FURIN: variants seen among roughly 807,000 people sequenced by gnomAD.
FURIN encodes FES upstream region.
FURIN carries 18 observed loss-of-function variants against 89.2 expected under a neutral mutation model. The ratio of observed to expected loss-of-function variants is 0.20; its 90% CI spans 0.14 to 0.30. The LOEUF (loss-of-function observed/expected upper bound fraction) is 0.30, where lower values mean the gene tolerates loss of function less well. Ranked by LOEUF, FURIN falls within the 10% of genes least tolerant of loss-of-function variation. The pLI is 1.00. For missense variants in FURIN, 879 were observed against 1,100.5 expected (o/e 0.80, Z 2.85); for synonymous variants, 508 against 466.4 (o/e 1.09, Z -1.15).
At position 90,875,759 on chromosome 15, in the gene FURIN, T is replaced by G; in HGVS notation, c.19T>G (p.Leu7Val). ...CCCCCCCATGGAGCTGAGGCCCTGG[T>G]TGCTATGGGTGGTAGCAGCAACAGG... MELRPW[L>V]LWVVAATGTL... The change falls in exon 2 of 16, where the codon TTG becomes GTG. Residue 7 changes from leucine to valine, a missense_variant. Leu to Val is a conservative substitution (Grantham distance 32, BLOSUM62 1). Transcript: ENST00000268171. 6.4e-7 allele frequency: 1 copy of G among 1,550,720 alleles called. No individual in the cohort carries two copies. The highest frequency in any genetic ancestry group is 2.4e-5 in the East Asian group (1 of 41,430).
At chr15:90,879,627 C>G in intron 10 of FURIN, 44 bp from the exon 11 acceptor site, 2 of 1,584,790 alleles carry the variant, frequency 1.3e-6, no homozygotes. Flanking sequence ...GAGAGCTGCT[C>G]CCAAAAAAGA....
rs367710450 is a variant in FURIN at position 90,881,866 on chromosome 15, G to C, written c.2373G>C (p.Gln791His). 21 of 1,611,528 alleles carry C rather than the reference G, an allele frequency of 1.3e-5. No individual in the cohort carries two copies. In the African/African-American group the frequency reaches 2.1e-4, roughly 16 times the overall value. The change falls in exon 16 of 16, where the codon CAG becomes CAC. Residue 791 changes from glutamine to histidine, a missense_variant. By Grantham distance (24) the Gln-to-His change is conservative. Transcript: ENST00000268171. This position sits in a 1 kb window ranked among gnomAD's most constrained non-coding sequence, Gnocchi z 4.3. The stretch of plus-strand genomic sequence containing the variant: ...AGAGGACCGCCTTTATCAAAGACCA[G>C]AGCGCCCTCTGATGAGCCCACTGCC... ...RGERTAFIKD[Q>H]SAL
chr15:90,876,845 C>A lies in FURIN; in HGVS notation c.373-51C>A. On this transcript the variant is annotated intron_variant, in intron 4 of 15. Transcript: ENST00000268171. This position sits in a 1 kb window ranked among gnomAD's most constrained non-coding sequence, Gnocchi z 5.0. ...AAGGGATTCTTCAAGATGCTCCTAG[C>A]CTCACAAAACCAATCATGTCTCATA... 1 of 1,598,864 alleles carries A rather than the reference C, an allele frequency of 6.3e-7. No individual in the cohort carries two copies. The highest frequency in any genetic ancestry group is 8.6e-7 in the Non-Finnish European group (1 of 1,167,612).
rs768572018 is a variant in FURIN, at chr15:90,880,683, C to CT, written c.1557-7dup. On this transcript the variant is annotated splice_region_variant and splice_polypyrimidine_tract_variant and intron_variant, in intron 13 of 15. Transcript: ENST00000268171. ...AGGCCTCAGGGCTGTGTGCACTCCC[C>CT]TCCCCAGGCCACATGACTACTCCGC... 2 of 1,610,084 alleles carry CT rather than the reference C, an allele frequency of 1.2e-6. No individual in the cohort carries two copies. The highest frequency in any genetic ancestry group is 1.7e-6 in the Non-Finnish European group (2 of 1,177,872).
chr15:90,878,630 C>T (rs950343789), intron 8 of FURIN, 134 bp from the exon 9 acceptor site: 44 of 617,524 alleles, frequency 7.1e-5, no homozygotes, highest in Non-Finnish European at 1.2e-4. Flanking sequence ...ATACTTGATC[C>T]ACCAGGGATC....
In FURIN at chr15:90,881,363, G is replaced by C; in HGVS notation, c.1870G>C (p.Asp624His). 2 of 1,613,006 alleles carry C rather than the reference G, an allele frequency of 1.2e-6. No individual in the cohort carries two copies. Among genetic ancestry groups the C allele is most frequent in the South Asian group, 2.2e-5 (2 of 91,068 alleles). The change falls in exon 16 of 16, where the codon GAT becomes CAT. Residue 624 changes from aspartate to histidine, a missense_variant. Physicochemically the swap from Asp to His is moderately conservative, Grantham distance 81. This residue lies in a region of FURIN where 457 missense variants were observed against 490.7 expected (regional missense o/e 0.93). Transcript: ENST00000268171. This position sits in a 1 kb window ranked among gnomAD's most constrained non-coding sequence, Gnocchi z 4.3. ...CPPGFAPQVLDTHYSTENDVE... is the reference protein window; with the variant it reads ...CPPGFAPQVLHTHYSTENDVE... ...TCCAGGGTTCGCCCCCCAAGTCCTC[G>C]ATACGCACTATAGCACCGAGAATGA... is the stretch of plus-strand genomic sequence containing the variant.
At chr15:90,872,186 G>T (rs1372976488) in intron 1 of FURIN, among the ~76,000 whole-genome samples, 1 of 151,660 alleles carries the variant, frequency 6.6e-6, no homozygotes, top group East Asian at 2.0e-4. Flanking sequence ...GTGCGGCCAG[G>T]ACTCGGGTGC....
Position 90,881,344 on chromosome 15 carries a change from G to C in FURIN, c.1851G>C (p.Gly617=), listed in dbSNP as rs6226. The C allele has an allele frequency of 0.69, 1,106,598 of 1,612,400 alleles. 383,330 individuals carry two copies. Among genetic ancestry groups the C allele is most frequent in the African/African-American group, 0.93 (70,022 of 74,978 alleles). ...QKSCVQHCPP[G]FAPQVLDTHY... ...GCTGTGTCCAGCACTGCCCTCCAGG[G>C]TTCGCCCCCCAAGTCCTCGATACGC... Residue 617 remains glycine (G), a synonymous_variant, in exon 16 of 16, where the codon GGG becomes GGC. Coordinates refer to ENST00000268171, the MANE Select transcript of FURIN (RefSeq NM_002569.4). The surrounding 1 kb of genome is among the most constrained non-coding windows in gnomAD (Gnocchi z 4.3).
At chr15:90,877,335 C>T (rs865778148) in intron 6 of FURIN, 124 bp downstream of exon 6, 1 of 977,978 alleles carries the variant, frequency 1.0e-6, no homozygotes, top group Non-Finnish European at 1.5e-6. Flanking sequence ...TCCTGGCCCA[C>T]CTGGGGCTCT....
chr15:90,875,985 AG>A, intron 2 of FURIN, 68 bp downstream of exon 2: 1 of 1,355,200 alleles, frequency 7.4e-7, no homozygotes, highest in Non-Finnish European at 1.0e-6. Flanking sequence ...TGGGAGCAGG[AG>A]CTGTTGGCCT....
intron 7 of FURIN, 24 bp downstream of exon 7, chr15:90,877,639 T>C (rs1318337815): frequency 1.3e-6 from 2 of 1,500,508 alleles, no homozygotes; most frequent in African/African-American, 1.4e-5. Flanking sequence ...TGGGCCACCC[T>C]GTCTTCAGGA....
chr15:90,870,784 T>A (rs1218917259), intron 1 of FURIN, among the ~76,000 whole-genome samples: 7 of 152,174 alleles, frequency 4.6e-5, no homozygotes, highest in Non-Finnish European at 1.0e-4. Context: ...TGAGGTCTGC[T>A]GGTTGTGGGA....
rs2032039401 is a variant in FURIN at position 90,882,464 on chromosome 15, G to C, written c.*586G>C. On this transcript the variant is annotated 3_prime_UTR_variant, in exon 16 of 16. Coordinates refer to ENST00000268171, the MANE Select transcript of FURIN (RefSeq NM_002569.4). Reference sequence around the variant, plus strand: ...CCTGTGTCCCATGACCCACCCCTGTGCTCCGTGCCTCCACCACCACTGGCC... The same window carrying C: ...CCTGTGTCCCATGACCCACCCCTGTCCTCCGTGCCTCCACCACCACTGGCC... 1 of 154,328 alleles carries C rather than the reference G, an allele frequency of 6.5e-6. No individual in the cohort carries two copies. Among genetic ancestry groups the C allele is most frequent in the Non-Finnish European group, 1.4e-5 (1 of 69,268 alleles). The allele number at this position is 154,328 out of a possible 1,614,324, so 9.6% of individuals were successfully genotyped here.
Position 90,876,999 on chromosome 15 carries a change from A to G in FURIN, c.476A>G (p.Asn159Ser). 1 of 1,614,042 alleles carries G rather than the reference A, an allele frequency of 6.2e-7. No homozygotes were observed. The highest frequency in any genetic ancestry group is 8.5e-7 in the Non-Finnish European group (1 of 1,180,006). Residue 159 changes from asparagine to serine, a missense_variant, in exon 5 of 16, where the codon AAC becomes AGC. By Grantham distance (46) the Asn-to-Ser change is conservative. This residue lies in a region of FURIN where 139 missense variants were observed against 215.0 expected (regional missense o/e 0.65). Transcript: ENST00000268171. The surrounding 1 kb of genome is among the most constrained non-coding windows in gnomAD (Gnocchi z 5.0). The part of the protein sequence containing the change: ...VSILDDGIEK[N>S]HPDLAGNYDP... ...ATTCTGGACGATGGCATCGAGAAGA[A>G]CCACCCGGACTTGGCAGGCAATTAT...
chr15:90,880,374 T>TGAGTAGC, intron 13 of FURIN, 101 bp downstream of exon 13: 1 of 948,698 alleles, frequency 1.1e-6, no homozygotes, highest in Non-Finnish European at 1.6e-6. Flanking sequence ...CACTGAGTGC[T>TGAGTAGC]ACTCAGTGGG....
intron 8 of FURIN, 51 bp downstream of exon 8, chr15:90,878,355 C>T (rs776084059): frequency 2.2e-5 from 31 of 1,411,854 alleles, no homozygotes; most frequent in African/African-American, 2.9e-5. Flanking sequence ...TGCTGTCTTC[C>T]GTACCTATCT....
In FURIN at chr15:90,876,942, A is replaced by G; in HGVS notation, c.419A>G (p.Gln140Arg). The G allele has an allele frequency of 6.2e-7, 1 of 1,614,032 alleles. No individual in the cohort carries two copies. Among genetic ancestry groups the G allele is most frequent in the Non-Finnish European group, 8.5e-7 (1 of 1,179,890 alleles). ...CTGAATGTGAAGGCGGCCTGGGCGC[A>G]GGGCTACACAGGGCACGGCATTGTG... Reference protein sequence around the residue: ...RDLNVKAAWAQGYTGHGIVVS... With the variant: ...RDLNVKAAWARGYTGHGIVVS... Residue 140 changes from glutamine (Q) to arginine (R), a missense_variant, in exon 5 of 16, where the codon CAG (glutamine) becomes CGG (arginine). Transcript: ENST00000268171. The surrounding 1 kb of genome is among the most constrained non-coding windows in gnomAD (Gnocchi z 5.0).
chr15:90,870,250 G>A (rs903114880), intron 1 of FURIN, among the ~76,000 whole-genome samples: 56 of 152,142 alleles, frequency 3.7e-4, no homozygotes, highest in African/African-American at 1.3e-3. Flanking sequence ...GATTTGAACC[G>A]GTTTGCTGAT....
chr15:90,880,361 G>GCA, intron 13 of FURIN, 88 bp downstream of exon 13: 2 of 1,118,666 alleles, frequency 1.8e-6, no homozygotes, highest in South Asian at 3.0e-5. Context: ...ACGGCCCAGG[G>GCA]GGCACTGAGT....
Sources: allele counts gnomAD v4.1 joint callset (sites outside exome capture counted in the v4.1 genomes callset), GRCh38; gene constraint gnomAD v4.1.1; regional missense constraint gnomAD v4.1.1; non-coding constraint Gnocchi (gnomAD v3.1); transcripts MANE v1.5; gene names NCBI Gene and HGNC (gene_info 2026-07-23, HGNC 2026-07-21).